DYNC2H1: variants seen among roughly 807,000 people sequenced by gnomAD.
DYNC2H1 encodes the protein cytoplasmic dynein 2 heavy chain 1.
Under a neutral mutation model 570.0 loss-of-function variants are expected in DYNC2H1, and 410 were observed. The observed-to-expected ratio is 0.72, with a 90% confidence interval of 0.66 to 0.78. The LOEUF (loss-of-function observed/expected upper bound fraction) is 0.78, where lower values mean the gene tolerates loss of function less well. Ranked by LOEUF, DYNC2H1 falls within the 30% of genes least tolerant of loss-of-function variation. The pLI is 0.00. For missense variants in DYNC2H1, 4,865 were observed against 5,046.4 expected (o/e 0.96, Z 1.09); for synonymous variants, 1,688 against 1,677.6 (o/e 1.01, Z -0.15).
rs1172715080 is a variant in DYNC2H1, at chr11:103,209,066, A to G, written c.8455-810A>G. Among the ~76,000 whole-genome samples, 1 of 152,136 alleles carries G rather than the reference A, an allele frequency of 6.6e-6. No individual in the cohort carries two copies. Among genetic ancestry groups the G allele is most frequent in the Non-Finnish European group, 1.5e-5 (1 of 68,008 alleles). On this transcript the variant is annotated intron_variant, in intron 52 of 88. Transcript: ENST00000375735. The surrounding 1 kb of genome is among the most constrained non-coding windows in gnomAD (Gnocchi z 4.2). ...TACTCTCTGTCACAAGAATTATGGTACATTCGAACTCTGCATTAATGAAGA... is the reference window on the plus strand; with the variant it reads ...TACTCTCTGTCACAAGAATTATGGTGCATTCGAACTCTGCATTAATGAAGA...
rs1260145675 is a variant in DYNC2H1, at chr11:103,334,204, T to C, written c.12039+10214T>C. On this transcript the variant is annotated intron_variant, in intron 82 of 88. Transcript: ENST00000375735. The surrounding 1 kb of genome is among the most constrained non-coding windows in gnomAD (Gnocchi z 4.3). ...TAATTTAAAATTTTTCCATCTCTGT[T>C]AATTCCTGAGGCAAACACAATAATC... is the stretch of plus-strand genomic sequence containing the variant. 6.6e-6 allele frequency among the ~76,000 whole-genome samples: 1 copy of C among 152,234 alleles called. No individual in the cohort carries two copies. The highest frequency in any genetic ancestry group is 2.4e-5 in the African/African-American group (1 of 41,466).
chr11:103,432,682 C>T (rs1331824132), intron 84 of DYNC2H1, among the ~76,000 whole-genome samples: 5 of 107,700 alleles, frequency 4.6e-5, no homozygotes, highest in African/African-American at 2.1e-4. Flanking sequence ...GAGAAATGCT[C>T]ATTAAAATGA....
chr11:103,329,943 G>C (rs1226748508), intron 82 of DYNC2H1, among the ~76,000 whole-genome samples: 1 of 151,992 alleles, frequency 6.6e-6, no homozygotes, highest in Non-Finnish European at 1.5e-5. Context: ...CACTGCTTTT[G>C]CTTATTTAAA....
rs567927742 is a variant in DYNC2H1, at chr11:103,446,991, A to C, written c.12457-8195A>C. The stretch of plus-strand genomic sequence containing the variant: ...AATTTTTAATAATCTTGTTTCCCAT[A>C]GTGGTTCAGGTTCTGCATGAACACC... On this transcript the variant is annotated intron_variant, in intron 85 of 88. Transcript: ENST00000375735. This position sits in a 1 kb window ranked among gnomAD's most constrained non-coding sequence, Gnocchi z 4.5. Among the ~76,000 whole-genome samples, 1 of 152,270 alleles carries C rather than the reference A, an allele frequency of 6.6e-6. No homozygotes were observed. The highest frequency in any genetic ancestry group is 1.5e-5 in the Non-Finnish European group (1 of 67,994).
Position 103,255,445 on chromosome 11 carries a change from C to A in DYNC2H1, c.10237C>A (p.Pro3413Thr), listed in dbSNP as rs786204223. 1 of 1,567,258 alleles carries A rather than the reference C, an allele frequency of 6.4e-7. No homozygotes were observed. Among genetic ancestry groups the A allele is most frequent in the Non-Finnish European group, 8.7e-7 (1 of 1,155,052 alleles). The change falls in exon 67 of 89, where the codon CCT becomes ACT. Residue 3413 changes from proline to threonine, a missense_variant. This residue lies in a region of DYNC2H1 where 2,401 missense variants were observed against 2,454.6 expected (regional missense o/e 0.98). Coordinates refer to ENST00000375735, the MANE Select transcript of DYNC2H1 (RefSeq NM_001377.3). ...LLALTIQHEK[P>T]DLEEQKTKLL... ...AGCTTTAACCATTCAGCATGAGAAACCTGATTTAGAAGAACAGAAAACAAA... is the reference window on the plus strand; with the variant it reads ...AGCTTTAACCATTCAGCATGAGAAAACTGATTTAGAAGAACAGAAAACAAA...
chr11:103,198,098 G>T, intron 48 of DYNC2H1, 35 bp downstream of exon 48: 7 of 1,537,444 alleles, frequency 4.6e-6, no homozygotes, highest in Non-Finnish European at 6.2e-6. Flanking sequence ...ACTGGGATTT[G>T]GTCATTATAG....
rs1380096602 is a variant in DYNC2H1, at chr11:103,419,565, G to GT, written c.12367-16376dup. On this transcript the variant is annotated intron_variant, in intron 84 of 88. Transcript: ENST00000375735. ...GCCTTGTGGAAGGGTGGCCTGACTG[G>GT]TTAAAAAAAAAAAAACCACACAGAA... Among the ~76,000 whole-genome samples the GT allele has an allele frequency of 2.7e-5, 4 of 147,868 alleles. No homozygotes were observed. In the East Asian group the frequency reaches 6.4e-4, roughly 24 times the overall value.
intron 82 of DYNC2H1, among the ~76,000 whole-genome samples, chr11:103,341,479 T>G (rs755651051): frequency 5.9e-5 from 9 of 152,220 alleles, no homozygotes; most frequent in Non-Finnish European, 1.0e-4. Flanking sequence ...TAGTATTATC[T>G]GGGAAGTTAG....
rs557886899 is a variant in DYNC2H1, at chr11:103,281,958, T to C, written c.10762-221T>C. Among the ~76,000 whole-genome samples, 6 of 152,124 alleles carry C rather than the reference T, an allele frequency of 3.9e-5. No individual in the cohort carries two copies. In the East Asian group the frequency reaches 1.2e-3, roughly 29 times the overall value. On this transcript the variant is annotated intron_variant, in intron 71 of 88. Transcript: ENST00000375735. ...GACTCATATATATAATGGAGTTGTT[T>C]TGTTTTAATAAAATTATTCTTAGTA...
chr11:103,189,836 G>A lies in DYNC2H1; in HGVS notation c.7437+20G>A. The A allele has an allele frequency of 1.3e-6, 2 of 1,574,324 alleles. No individual in the cohort carries two copies. The highest frequency in any genetic ancestry group is 1.7e-4 in the Middle Eastern group (1 of 5,832). On this transcript the variant is annotated intron_variant, in intron 45 of 88. Transcript: ENST00000375735. The surrounding 1 kb of genome is among the most constrained non-coding windows in gnomAD (Gnocchi z 4.3). Reference sequence around the variant, plus strand: ...GAACAGGTAGATATGCATCTAAATTGTAGCTTTCATGTCTATTAGTATCAT... The same window carrying A: ...GAACAGGTAGATATGCATCTAAATTATAGCTTTCATGTCTATTAGTATCAT...
intron 30 of DYNC2H1, among the ~76,000 whole-genome samples, chr11:103,164,030 C>G (rs1421982318): frequency 6.6e-6 from 1 of 152,088 alleles, no homozygotes; most frequent in African/African-American, 2.4e-5. Flanking sequence ...AGCTCAAATT[C>G]TTAGAGAAAA....
intron 67 of DYNC2H1, among the ~76,000 whole-genome samples, 159 bp downstream of exon 67, chr11:103,255,693 A>G (rs1461455714): frequency 2.0e-5 from 3 of 152,046 alleles, no homozygotes; most frequent in Non-Finnish European, 4.4e-5. Flanking sequence ...AAGGGGAGCT[A>G]TGTTTTGGAA....
rs1341378072 is a variant in DYNC2H1 at position 103,446,714 on chromosome 11, T to G, written c.12457-8472T>G. ...TAGGGGATTTTTGACCATATCTGTGTTCACTATAAATTTTTAAATTGATGG... is the reference window on the plus strand; with the variant it reads ...TAGGGGATTTTTGACCATATCTGTGGTCACTATAAATTTTTAAATTGATGG... On this transcript the variant is annotated intron_variant, in intron 85 of 88. Coordinates refer to ENST00000375735, the MANE Select transcript of DYNC2H1 (RefSeq NM_001377.3). The surrounding 1 kb of genome is among the most constrained non-coding windows in gnomAD (Gnocchi z 4.5). 6.6e-6 allele frequency among the ~76,000 whole-genome samples: 1 copy of G among 152,086 alleles called. No homozygotes were observed. The highest frequency in any genetic ancestry group is 6.6e-5 in the Admixed American group (1 of 15,266).
At position 103,215,752 on chromosome 11, in the gene DYNC2H1, C is replaced by G; in HGVS notation, c.8726C>G (p.Ala2909Gly). The change falls in exon 55 of 89, where the codon GCT becomes GGT. Residue 2909 changes from alanine (A) to glycine (G), a missense_variant. Transcript: ENST00000375735. ...GTATCTAAACTAAATGAAGCTAAAG[C>G]TCTTGTGGATGAACTGAACAGAAAA... Reference protein sequence around the residue: ...AGVSKLNEAKALVDELNRKAG... With the variant: ...AGVSKLNEAKGLVDELNRKAG... 1.9e-5 allele frequency: 30 copies of G among 1,610,644 alleles called. No individual in the cohort carries two copies. Among genetic ancestry groups the G allele is most frequent in the Non-Finnish European group, 2.5e-5 (30 of 1,178,278 alleles).
intron 75 of DYNC2H1, among the ~76,000 whole-genome samples, chr11:103,288,684 T>TTAAAAAAAAAAAAAAAAAAAAAA (rs1401919829): frequency 3.6e-5 from 1 of 27,904 alleles, no homozygotes; most frequent in African/African-American, 1.6e-4. Flanking sequence ...CCGTCTCTAC[T>TTAAAAAAAAAAAAAAAAAAAAAA]AAAAAAAAAA....
At chr11:103,220,146 C>A in intron 56 of DYNC2H1, 118 bp downstream of exon 56, 1 of 516,356 alleles carries the variant, frequency 1.9e-6, no homozygotes, top group Non-Finnish European at 3.2e-6. Flanking sequence ...ATGTGGTTTT[C>A]AACCAAAATG....
chr11:103,110,821 CTT>C (rs540978155), intron 1 of DYNC2H1, among the ~76,000 whole-genome samples: 66 of 140,888 alleles, frequency 4.7e-4, no homozygotes, highest in Admixed American at 6.4e-4. Context: ...CATTCAGTGC[CTT>C]TTTTTTTTTT....
intron 84 of DYNC2H1, among the ~76,000 whole-genome samples, chr11:103,432,413 A>T (rs536470097): frequency 2.6e-5 from 4 of 152,100 alleles, no homozygotes; most frequent in African/African-American, 9.7e-5. Context: ...GTTGTTGTCA[A>T]CTTCCGATAA....
rs987054103 is a variant in DYNC2H1 at position 103,173,357 on chromosome 11, T to G, written c.5558+52T>G. 4.6e-6 allele frequency: 6 copies of G among 1,294,512 alleles called. No individual in the cohort carries two copies. In the Admixed American group the frequency reaches 2.0e-4, roughly 43 times the overall value. The allele number at this position is 1,294,512 out of a possible 1,614,324, so 80.2% of individuals were successfully genotyped here. On this transcript the variant is annotated intron_variant, in intron 35 of 88. Coordinates refer to ENST00000375735, the MANE Select transcript of DYNC2H1 (RefSeq NM_001377.3). Reference sequence around the variant, plus strand: ...TATATTTTACATTTCTAATGATTGATTTTGGTTATTAGTGATCATTTTCAT... The same window carrying G: ...TATATTTTACATTTCTAATGATTGAGTTTGGTTATTAGTGATCATTTTCAT...
Sources: allele counts gnomAD v4.1 joint callset (sites outside exome capture counted in the v4.1 genomes callset), GRCh38; gene constraint gnomAD v4.1.1; regional missense constraint gnomAD v4.1.1; non-coding constraint Gnocchi (gnomAD v3.1); transcripts MANE v1.5; gene names NCBI Gene and HGNC (gene_info 2026-07-23, HGNC 2026-07-21).